CDH12: variants seen among roughly 807,000 people sequenced by gnomAD.
CDH12 encodes cadherin-12.
A neutral mutation model predicts 74.1 loss-of-function variants in CDH12; 41 were observed. The ratio of observed to expected loss-of-function variants is 0.55; its 90% CI spans 0.43 to 0.72. The LOEUF is 0.72. Among genes scored for constraint, CDH12 ranks in the 30% least tolerant of loss-of-function variants. CDH12 has a pLI of 0.00. For missense variants in CDH12, 945 were observed against 977.2 expected, an observed-to-expected ratio of 0.97 and a Z score of 0.44; for synonymous variants, 399 against 355.0, an observed-to-expected ratio of 1.12 and a Z score of -1.39.
chr5:22,072,684 A>G (rs986654477), intron 5 of CDH12, among the ~76,000 whole-genome samples: 1 of 151,774 alleles, frequency 6.6e-6, no homozygotes, highest in East Asian at 1.9e-4. Flanking sequence ...TTAACTCGTC[A>G]TTTACATTAG....
intron 3 of CDH12, among the ~76,000 whole-genome samples, chr5:22,317,264 G>T (rs929454950): frequency 6.6e-6 from 1 of 152,002 alleles, no homozygotes; most frequent in Non-Finnish European, 1.5e-5. Context: ...ATTGCAGTGG[G>T]CCAAGATTGC....
At chr5:22,225,908 T>TAACAAC (rs34497388) in intron 3 of CDH12, among the ~76,000 whole-genome samples, 2 of 151,156 alleles carry the variant, frequency 1.3e-5, no homozygotes, top group South Asian at 4.2e-4. Context: ...CCTCTAACAA[T>TAACAAC]AACAACAACA....
At chr5:22,203,680 TATA>T (rs1452676601) in intron 4 of CDH12, among the ~76,000 whole-genome samples, 1 of 152,206 alleles carries the variant, frequency 6.6e-6, no homozygotes, top group African/African-American at 2.4e-5. Flanking sequence ...TACTCTTGCC[TATA>T]ATGACTGTAC....
At chr5:21,862,038 A>G (rs1751073879) in intron 6 of CDH12, among the ~76,000 whole-genome samples, 1 of 151,756 alleles carries the variant, frequency 6.6e-6, no homozygotes, top group African/African-American at 2.4e-5. Context: ...TTATGTGGTT[A>G]TTTTAAATGG....
intron 1 of CDH12, among the ~76,000 whole-genome samples, chr5:22,794,599 A>G (rs1438724018): frequency 6.6e-6 from 1 of 152,202 alleles, no homozygotes; most frequent in Non-Finnish European, 1.5e-5. Flanking sequence ...CAATATTCAC[A>G]GAAAAGGACC....
intron 3 of CDH12, among the ~76,000 whole-genome samples, chr5:22,316,925 A>G (rs775296651): frequency 2.6e-5 from 4 of 152,166 alleles, no homozygotes; most frequent in Non-Finnish European, 5.9e-5. Context: ...CTCTAAGATC[A>G]TGGTATCATA....
intron 3 of CDH12, among the ~76,000 whole-genome samples, chr5:22,239,582 GAGGAT>G (rs375400606): frequency 1.6e-4 from 25 of 152,308 alleles, no homozygotes; most frequent in African/African-American, 6.0e-4. Context: ...ACACTAAATA[GAGGAT>G]AGGTGGATAG....
chr5:21,977,110 CA>C (rs1158935049), intron 5 of CDH12, among the ~76,000 whole-genome samples: 20 of 151,870 alleles, frequency 1.3e-4, no homozygotes, highest in Admixed American at 5.3e-4. Flanking sequence ...AGAGTATAAG[CA>C]AAACCATAAA....
At chr5:21,851,242 A>G (rs1007522742) in intron 7 of CDH12, among the ~76,000 whole-genome samples, 1 of 151,182 alleles carries the variant, frequency 6.6e-6, no homozygotes, top group African/African-American at 2.4e-5. Context: ...GAAAATTTAA[A>G]TACATTAACA....
chr5:22,320,331 CAA>C (rs1738816169), intron 3 of CDH12, among the ~76,000 whole-genome samples: 2 of 152,118 alleles, frequency 1.3e-5, no homozygotes, highest in African/African-American at 4.8e-5. Flanking sequence ...TACCACAACT[CAA>C]AGTCACTCTG....
At position 21,957,104 on chromosome 5, in the gene CDH12, A is replaced by G. The variant is rs2547572; in HGVS notation, c.526+17987T>C. On this transcript the variant is annotated intron_variant, in intron 6 of 14. Transcript: ENST00000382254. Reference sequence around the variant, plus strand: ...AGTAGACTCCGGTGTCTGCTGTTCCATTCTTTGTGTCCATGTGTTCTCATA... The same window carrying G: ...AGTAGACTCCGGTGTCTGCTGTTCCGTTCTTTGTGTCCATGTGTTCTCATA... Among the ~76,000 whole-genome samples, 3 of 151,958 alleles carry G rather than the reference A, an allele frequency of 2.0e-5. No homozygotes were observed. The East Asian group carries it at 5.8e-4, about 29-fold the overall frequency.
At chr5:22,629,977 G>C (rs569635221) in intron 1 of CDH12, among the ~76,000 whole-genome samples, 8 of 152,104 alleles carry the variant, frequency 5.3e-5, no homozygotes, top group East Asian at 1.9e-4. Flanking sequence ...TCCATGCTGA[G>C]TGCCAAATCA....
At chr5:22,770,855 C>T (rs1375058261) in intron 1 of CDH12, among the ~76,000 whole-genome samples, 2 of 151,970 alleles carry the variant, frequency 1.3e-5, no homozygotes, top group Non-Finnish European at 2.9e-5. Context: ...TTAAATATTT[C>T]CTATAATCCT....
At chr5:21,988,978 A>G (rs1465044273) in intron 5 of CDH12, among the ~76,000 whole-genome samples, 8 of 152,128 alleles carry the variant, frequency 5.3e-5, no homozygotes, top group Non-Finnish European at 1.0e-4. Context: ...ACATCTGCGT[A>G]TATTTGAGGA....
intron 1 of CDH12, among the ~76,000 whole-genome samples, chr5:22,678,699 T>A (rs1284268776): frequency 1.3e-5 from 2 of 152,150 alleles, no homozygotes; most frequent in East Asian, 3.9e-4. Context: ...ACTTCTTTAG[T>A]ACTAGATATT....
chr5:21,864,443 C>T (rs922887404), intron 6 of CDH12, among the ~76,000 whole-genome samples: 8 of 152,086 alleles, frequency 5.3e-5, no homozygotes, highest in South Asian at 2.1e-4. Context: ...TTTGCATGTA[C>T]GTTCTCTCTT....
chr5:21,882,706 G>T, intron 6 of CDH12: 1 of 1,470,168 alleles, frequency 6.8e-7, no homozygotes, highest in Non-Finnish European at 9.0e-7. Flanking sequence ...GAGCCTTAAT[G>T]CTTCAAGGTG....
chr5:22,640,974 T>G (rs115494462), intron 1 of CDH12, among the ~76,000 whole-genome samples: 1 of 152,222 alleles, frequency 6.6e-6, no homozygotes, highest in Admixed American at 6.5e-5. Context: ...AGCTTTCTGA[T>G]GTGCCTTCTG....
chr5:21,963,950 T>G (rs968395164), intron 6 of CDH12, among the ~76,000 whole-genome samples: 19 of 152,110 alleles, frequency 1.2e-4, no homozygotes, highest in African/African-American at 4.6e-4. Context: ...TAACTGATAT[T>G]TCTTAAAACA....
Sources: allele counts gnomAD v4.1 joint callset (sites outside exome capture counted in the v4.1 genomes callset), GRCh38; gene constraint gnomAD v4.1.1; transcripts MANE v1.5; gene names NCBI Gene and HGNC (gene_info 2026-07-23, HGNC 2026-07-21).